The following RET variants were observed in gnomAD, a reference collection of about 807,000 sequenced individuals.
RET encodes ret proto-oncogene.
A neutral mutation model predicts 118.3 loss-of-function variants in RET; 19 were observed. The ratio of observed to expected loss-of-function variants is 0.16; its 90% CI spans 0.11 to 0.24. The LOEUF is 0.24. Among genes scored for constraint, RET ranks in the 10% least tolerant of loss-of-function variants. The pLI, the probability that RET is intolerant of heterozygous loss-of-function variation, is 1.00. For synonymous variants in RET, 597 were observed against 644.1 expected (o/e 0.93, Z 1.11); for missense variants, 1,219 against 1,502.1 (o/e 0.81, Z 3.12).
chr10:43,092,148 C>T (rs1432405484), intron 1 of RET, among the ~76,000 whole-genome samples: 1 of 152,212 alleles, frequency 6.6e-6, no homozygotes, highest in Admixed American at 6.5e-5. Context: ...TGGAATATTA[C>T]TTGGCTTTAA....
chr10:43,085,291 G>A (rs1837266287), intron 1 of RET, among the ~76,000 whole-genome samples: 1 of 152,192 alleles, frequency 6.6e-6, no homozygotes, highest in African/African-American at 2.4e-5. Flanking sequence ...CAGCGGGGAA[G>A]CACAGGGGCA....
intron 3 of RET, among the ~76,000 whole-genome samples, chr10:43,104,066 G>A (rs1837701902): frequency 6.6e-6 from 1 of 152,250 alleles, no homozygotes; most frequent in African/African-American, 2.4e-5. Context: ...AGGGCACGGA[G>A]CATTCGCTTT....
In RET at chr10:43,112,248, G is replaced by A. The variant is rs1057517640; in HGVS notation, c.1648+24G>A. ...AGGTAAGCCCTGGAAACGCCCAAGG[G>A]AGGCCTGCAGGGGCGATGGCACCGG... On this transcript the variant is annotated intron_variant, in intron 8 of 19. Coordinates refer to ENST00000355710, the MANE Select transcript of RET (RefSeq NM_020975.6). 12 of 1,551,142 alleles carry A rather than the reference G, an allele frequency of 7.7e-6. No homozygotes were observed. In the East Asian group the frequency reaches 1.2e-4, roughly 16 times the overall value.
At chr10:43,092,633 C>T (rs753965398) in intron 1 of RET, among the ~76,000 whole-genome samples, 6 of 152,212 alleles carry the variant, frequency 3.9e-5, no homozygotes, top group Non-Finnish European at 8.8e-5. Context: ...GGGACAGAGC[C>T]GAGGACCCAG....
chr10:43,121,495 C>T (rs982709056), intron 15 of RET, among the ~76,000 whole-genome samples: 1 of 152,152 alleles, frequency 6.6e-6, no homozygotes. Flanking sequence ...AAAAAACAGC[C>T]TCCCCCAAGG....
chr10:43,091,092 C>T (rs1376765569), intron 1 of RET, among the ~76,000 whole-genome samples: 1 of 152,028 alleles, frequency 6.6e-6, no homozygotes, highest in Non-Finnish European at 1.5e-5. Flanking sequence ...GCTGTGTACA[C>T]ATCTTTAAAA....
chr10:43,126,090 G>A (rs762593767), intron 18 of RET, among the ~76,000 whole-genome samples: 25 of 152,192 alleles, frequency 1.6e-4, no homozygotes, highest in Non-Finnish European at 3.1e-4. Context: ...CTGACGTGAC[G>A]TTCTAGATGG....
intron 12 of RET, 125 bp from the exon 13 acceptor site, chr10:43,118,248 A>G (rs1024982331): frequency 2.6e-6 from 2 of 765,894 alleles, no homozygotes; most frequent in African/African-American, 3.5e-5. Flanking sequence ...CTCAAGCAGC[A>G]TCGTCTTTGC....
chr10:43,112,308 G>A (rs3026750), intron 8 of RET, 84 bp downstream of exon 8: 1,165,955 of 1,539,160 alleles, frequency 0.76, 444,138 homozygotes, highest in African/African-American at 0.84. Context: ...CCAGCCTGGG[G>A]TGGCTCTCCC....
Position 43,120,526 on chromosome 10 carries a change from G to A in RET, c.2730+323G>A, listed in dbSNP as rs971982788. 1.3e-5 allele frequency among the ~76,000 whole-genome samples: 2 copies of A among 152,230 alleles called. 1 individual carries two copies. On this transcript the variant is annotated intron_variant, in intron 15 of 19. Coordinates refer to ENST00000355710, the MANE Select transcript of RET (RefSeq NM_020975.6). ...CCTCTTCTGCAGAATAAAGGTCACC[G>A]TTCTGATATGACCTTAGCTCTTTTC... is the stretch of plus-strand genomic sequence containing the variant.
chr10:43,116,260 A>G lies in RET; in HGVS notation c.2137-324A>G, dbSNP rs741968. On this transcript the variant is annotated intron_variant, in intron 11 of 19. Transcript: ENST00000355710. ...TGTCCTGGACACTTCCACTGTAGTC[A>G]GAGGTCCTGGGCTGGGCCTGGTGCT... Among the ~76,000 whole-genome samples the G allele has an allele frequency of 0.83, 126,417 of 152,252 alleles. 53,041 individuals carry two copies. Among genetic ancestry groups the G allele is most frequent in the African/African-American group, 0.91 (37,971 of 41,550 alleles).
chr10:43,130,146 CTTAT>C lies in RET; in HGVS notation c.*1879_*1882del, dbSNP rs1287825682. ...TTCCTGAGTTATAAAAGTCCCCATC[CTTAT>C]TAGCTCTACTGGAATTTTCATACAC... On this transcript the variant is annotated 3_prime_UTR_variant, in exon 20 of 20. Transcript: ENST00000355710. 1 of 397,268 alleles carries C rather than the reference CTTAT, an allele frequency of 2.5e-6. No homozygotes were observed. Among genetic ancestry groups the C allele is most frequent in the African/African-American group, 2.1e-5 (1 of 48,562 alleles). The allele number at this position is 397,268 out of a possible 1,614,324, so 24.6% of individuals were successfully genotyped here.
intron 3 of RET, among the ~76,000 whole-genome samples, chr10:43,104,524 A>C (rs1034761985): frequency 6.6e-6 from 1 of 152,100 alleles, no homozygotes; most frequent in Non-Finnish European, 1.5e-5. Context: ...CAAAAACAAA[A>C]AAAAAGCAGC....
intron 19 of RET, chr10:43,127,427 C>G: frequency 9.5e-7 from 1 of 1,057,316 alleles, no homozygotes; most frequent in African/African-American, 1.7e-5. Context: ...GTCTGTGGTG[C>G]TGTGGTCTTA....
rs536486113 is a variant in RET, at chr10:43,126,717, T to C, written c.3182T>C (p.Leu1061Pro). 5.6e-6 allele frequency: 9 copies of C among 1,613,892 alleles called. No individual in the cohort carries two copies. Among genetic ancestry groups the C allele is most frequent in the Non-Finnish European group, 6.8e-6 (8 of 1,179,962 alleles). The change falls in exon 19 of 20, where the codon CTC becomes CCC. Residue 1061 changes from leucine (L) to proline (P), a missense_variant. Leu to Pro is a moderately conservative substitution (Grantham distance 98). Around this residue, in one of 5 missense-constraint regions of RET, gnomAD observed 174 missense variants for 179.3 expected, o/e 0.97. Coordinates refer to ENST00000355710, the MANE Select transcript of RET (RefSeq NM_020975.6). ...ALPSTWIENK[L>P]YGMSDPNWPG... ...CCTTCCACATGGATTGAAAACAAAC[T>C]CTATGGTAGAATTTCCCATGCATTT...
At chr10:43,119,272 C>T (rs1386839625) in intron 13 of RET, among the ~76,000 whole-genome samples, 1 of 152,186 alleles carries the variant, frequency 6.6e-6, no homozygotes, top group African/African-American at 2.4e-5. Context: ...AGGGCAGTGT[C>T]GCCTGCCTCA....
At position 43,102,799 on chromosome 10, in the gene RET, G is replaced by A. The variant is rs573159338; in HGVS notation, c.625+170G>A. 2.9e-5 allele frequency: 23 copies of A among 779,716 alleles called. 1 individual carries two copies. The South Asian group carries it at 3.0e-4, about 10-fold the overall frequency. The allele number at this position is 779,716 out of a possible 1,614,324, so 48.3% of individuals were successfully genotyped here. A position where few individuals can be genotyped will look rare whatever the true frequency, so the allele number is the denominator to read the frequency against. ...TGCCAGGGGCCAGGTACTGTTCTAG[G>A]AGCTAAGGATATAACAATGAACACA... On this transcript the variant is annotated intron_variant, in intron 3 of 19. Transcript: ENST00000355710.
chr10:43,122,496 G>A (rs954448623), intron 16 of RET, among the ~76,000 whole-genome samples: 8 of 152,192 alleles, frequency 5.3e-5, no homozygotes, highest in South Asian at 2.1e-4. Flanking sequence ...GCTCAAAGGT[G>A]GAAGCCAAAA....
intron 13 of RET, 141 bp from the exon 14 acceptor site, chr10:43,119,390 T>G: frequency 1.5e-6 from 1 of 664,272 alleles, no homozygotes; most frequent in Admixed American, 2.4e-5. Flanking sequence ...GCTGCAGCAG[T>G]GCTGCCTGAG....
Sources: gnomAD v4.1 joint callset for allele counts (sites outside exome capture counted in the v4.1 genomes callset) on GRCh38, gnomAD v4.1.1 for gene constraint, gnomAD v4.1.1 regional missense constraint, MANE v1.5 for transcripts, NCBI Gene and HGNC (gene_info 2026-07-23, HGNC 2026-07-21) for gene names.